The following INSL6 variants were observed in gnomAD, a reference collection of about 807,000 sequenced individuals.
INSL6 encodes insulin like 6.
INSL6 carries 16 observed loss-of-function variants against 9.4 expected under a neutral mutation model. The ratio of observed to expected loss-of-function variants is 1.70; its 90% CI spans 1.15 to 2.59. The LOEUF is 2.59. Among genes scored for constraint, INSL6 ranks in the 30% most tolerant of loss-of-function variants. The pLI is 0.00. For missense variants in INSL6, 391 were observed against 257.3 expected, an observed-to-expected ratio of 1.52 and a Z score of -3.56; for synonymous variants, 154 against 96.9, an observed-to-expected ratio of 1.59 and a Z score of -3.46.
intron 1 of INSL6, among the ~76,000 whole-genome samples, chr9:5,164,631 C>G (rs1204105356): frequency 1.3e-5 from 2 of 152,212 alleles, no homozygotes; most frequent in Non-Finnish European, 2.9e-5. Flanking sequence ...CATTAGCAGT[C>G]ATTTCCATTT....
chr9:5,181,296 A>G (rs952701635), intron 1 of INSL6, among the ~76,000 whole-genome samples: 14 of 152,236 alleles, frequency 9.2e-5, no homozygotes, highest in Non-Finnish European at 1.9e-4. Context: ...CATCCTATAG[A>G]GTCACAGTAT....
the INSL6 span, among the ~76,000 whole-genome samples, chr9:5,067,985 C>A: frequency 2.0e-5 from 3 of 151,854 alleles, no homozygotes; most frequent in Non-Finnish European, 1.5e-5. Flanking sequence ...AATGGTGAAA[C>A]CCTGTCTCTA....
At chr9:4,999,280 C>A in the INSL6 span, among the ~76,000 whole-genome samples, 6 of 152,098 alleles carry the variant, frequency 3.9e-5, no homozygotes, top group African/African-American at 1.4e-4. Context: ...TCTTAGATTT[C>A]TTGTTTCTTA....
At chr9:5,145,250 G>A (rs771119862) in intron 2 of INSL6, among the ~76,000 whole-genome samples, 2 of 152,108 alleles carry the variant, frequency 1.3e-5, no homozygotes, top group Non-Finnish European at 2.9e-5. Flanking sequence ...ATGAAATTCT[G>A]GGTTGGAATT....
intron 1 of INSL6, among the ~76,000 whole-genome samples, chr9:5,175,443 T>C (rs1298185238): frequency 6.6e-6 from 1 of 152,164 alleles, no homozygotes; most frequent in South Asian, 2.1e-4. Context: ...ATGTCAATTA[T>C]GTCACTTCTC....
downstream of INSL6, among the ~76,000 whole-genome samples, chr9:5,120,468 A>G (rs1401688879): frequency 6.6e-6 from 1 of 152,194 alleles, no homozygotes; most frequent in East Asian, 1.9e-4. Flanking sequence ...TTTGTTATCT[A>G]TATTGTTTTT....
At chr9:5,010,671 T>C in the INSL6 span, among the ~76,000 whole-genome samples, 1,357 of 152,314 alleles carry the variant, frequency 8.9e-3, 17 homozygotes, top group African/African-American at 0.03. Context: ...AATATTATAA[T>C]TAATCACATA....
chr9:5,011,167 C>T, the INSL6 span, among the ~76,000 whole-genome samples: 1 of 152,076 alleles, frequency 6.6e-6, no homozygotes, highest in Non-Finnish European at 1.5e-5. Flanking sequence ...ACTTGGAAAA[C>T]ATTTAGCCAG....
chr9:5,039,779 T>C, the INSL6 span, among the ~76,000 whole-genome samples: 1 of 152,036 alleles, frequency 6.6e-6, no homozygotes, highest in Non-Finnish European at 1.5e-5. Flanking sequence ...AAGTGTAAAA[T>C]GTATACACTG....
chr9:5,013,598 T>C, the INSL6 span, among the ~76,000 whole-genome samples: 1 of 152,222 alleles, frequency 6.6e-6, no homozygotes, highest in Non-Finnish European at 1.5e-5. Context: ...CATTCCTCTT[T>C]CCATGTTTTG....
At chr9:5,030,011 A>G in the INSL6 span, 1 of 896,394 alleles carries the variant, frequency 1.1e-6, no homozygotes, top group Non-Finnish European at 1.7e-6. Flanking sequence ...TACCTGAACC[A>G]ATTAGTTAGC....
At chr9:5,101,581 A>T in the INSL6 span, among the ~76,000 whole-genome samples, 1 of 152,236 alleles carries the variant, frequency 6.6e-6, no homozygotes, top group African/African-American at 2.4e-5. Context: ...CCTCAGGTGG[A>T]TCCCTGATGC....
At chr9:5,017,123 T>C in the INSL6 span, among the ~76,000 whole-genome samples, 13 of 152,192 alleles carry the variant, frequency 8.5e-5, no homozygotes, top group Non-Finnish European at 1.8e-4. Flanking sequence ...TTTATGTTAA[T>C]AGATACCACA....
chr9:5,078,504 G>A, the INSL6 span: 1 of 1,310,674 alleles, frequency 7.6e-7, no homozygotes, highest in Non-Finnish European at 1.1e-6. Context: ...GTGGTGTAAA[G>A]GGCATGTTGT....
At chr9:5,171,511 G>A (rs1825180295) in intron 1 of INSL6, among the ~76,000 whole-genome samples, 1 of 152,138 alleles carries the variant, frequency 6.6e-6, no homozygotes, top group South Asian at 2.1e-4. Flanking sequence ...GAAATAAAGG[G>A]TATTCAAATA....
the INSL6 span, among the ~76,000 whole-genome samples, chr9:5,071,908 T>G: frequency 2.0e-5 from 3 of 152,348 alleles, no homozygotes; most frequent in Admixed American, 2.0e-4. Context: ...AATACTAGTA[T>G]TAGTAGTAAT....
chr9:5,019,340 A>G, the INSL6 span, among the ~76,000 whole-genome samples: 1 of 151,900 alleles, frequency 6.6e-6, no homozygotes, highest in Admixed American at 6.5e-5. Flanking sequence ...TGTATTTTTT[A>G]TTTCATTAAA....
the INSL6 span, among the ~76,000 whole-genome samples, chr9:5,052,263 G>A: frequency 6.6e-6 from 1 of 152,068 alleles, no homozygotes; most frequent in African/African-American, 2.4e-5. Flanking sequence ...CTTCCAGTTT[G>A]AGAATCATGT....
the INSL6 span, among the ~76,000 whole-genome samples, chr9:4,996,321 G>T: frequency 6.6e-6 from 1 of 152,170 alleles, no homozygotes; most frequent in East Asian, 1.9e-4. Context: ...GGTGGTGCAT[G>T]CCTGTAATCT....
Sources: allele counts gnomAD v4.1 joint callset (sites outside exome capture counted in the v4.1 genomes callset), GRCh38; gene constraint gnomAD v4.1.1; transcripts MANE v1.5; gene names NCBI Gene and HGNC (gene_info 2026-07-23, HGNC 2026-07-21).